Variants in TMEM41B observed in about 807,000 individuals in gnomAD.
The protein encoded by TMEM41B is transmembrane protein 41B.
In TMEM41B, 18 loss-of-function variants were observed where a neutral mutation model predicts 31.9. The observed-to-expected ratio is 0.56, with a 90% CI of 0.39 to 0.84. The LOEUF (loss-of-function observed/expected upper bound fraction) is 0.84, where lower values mean the gene tolerates loss of function less well. Ranked by LOEUF, TMEM41B falls within the 40% of genes least tolerant of loss-of-function variation. The probability of loss-of-function intolerance (pLI) is 0.00; values close to 1 mark genes in which losing one functional copy is unlikely to be tolerated. For missense variants in TMEM41B, 322 were observed against 348.0 expected, an observed-to-expected ratio of 0.93 and a Z score of 0.59; for synonymous variants, 144 against 124.3, an observed-to-expected ratio of 1.16 and a Z score of -1.05.
chr11:9,288,497 C>A lies in TMEM41B; in HGVS notation c.407G>T (p.Ser136Ile). 6.3e-7 allele frequency: 1 copy of A among 1,596,872 alleles called. No homozygotes were observed. The highest frequency in any genetic ancestry group is 8.5e-7 in the Non-Finnish European group (1 of 1,173,544). Reference protein sequence around the residue: ...TFAIPGSIFLSILSGFLYPFP... With the variant: ...TFAIPGSIFLIILSGFLYPFP... ...GGGATAAAGAAACCCTGAGAGTATACTGAGAAATATAGAGCCTGGAATAGC... is the reference window on the plus strand; with the variant it reads ...GGGATAAAGAAACCCTGAGAGTATAATGAGAAATATAGAGCCTGGAATAGC... The change falls in exon 4 of 7, where the codon AGT (serine) becomes ATT (isoleucine). Residue 136 changes from serine (S) to isoleucine (I), a missense_variant. Ser to Ile is a moderately radical substitution (Grantham distance 142, BLOSUM62 -2). This residue lies in a region of TMEM41B where 183 missense variants were observed against 175.3 expected (regional missense o/e 1.04). Coordinates refer to ENST00000528080, the MANE Select transcript of TMEM41B (RefSeq NM_015012.4).
intron 3 of TMEM41B, among the ~76,000 whole-genome samples, chr11:9,290,238 G>A (rs1041303483): frequency 2.0e-5 from 3 of 152,178 alleles, no homozygotes; most frequent in East Asian, 1.9e-4. Context: ...CTAGCCGGGC[G>A]TGGTGGTGGG....
rs1414495224 is a variant in TMEM41B, at chr11:9,282,742, G to C, written c.*682C>G. The C allele has an allele frequency of 6.6e-6, 1 of 151,912 alleles. No individual in the cohort carries two copies. The highest frequency in any genetic ancestry group is 1.5e-5 in the Non-Finnish European group (1 of 68,002). 9.4% of individuals were successfully genotyped at this position (151,912 alleles called of 1,614,324 possible). ...AGGTCAGGAGATCGAGACCATCCTG[G>C]CTAACACGGTGAAACCCCGTCTCTA... On this transcript the variant is annotated 3_prime_UTR_variant, in exon 7 of 7. Coordinates refer to ENST00000528080, the MANE Select transcript of TMEM41B (RefSeq NM_015012.4).
chr11:9,313,248 T>C (rs1439981244), intron 1 of TMEM41B, among the ~76,000 whole-genome samples: 2 of 151,442 alleles, frequency 1.3e-5, no homozygotes, highest in African/African-American at 4.9e-5. Context: ...CCAGTGTATA[T>C]AAGCTGGAAA....
intron 1 of TMEM41B, chr11:9,311,135 C>G: frequency 2.2e-6 from 2 of 909,414 alleles, no homozygotes; most frequent in Non-Finnish European, 3.1e-6. Flanking sequence ...CCTAGCCACT[C>G]AGGGCTCAAC....
intron 1 of TMEM41B, among the ~76,000 whole-genome samples, chr11:9,310,027 GTATTAT>G (rs1172213605): frequency 3.3e-5 from 5 of 150,532 alleles, no homozygotes; most frequent in East Asian, 1.9e-4. Flanking sequence ...TCCAAGTAAT[GTATTAT>G]TATTATTATT....
At chr11:9,291,002 G>A (rs998243493) in intron 3 of TMEM41B, among the ~76,000 whole-genome samples, 1 of 152,068 alleles carries the variant, frequency 6.6e-6, no homozygotes, top group Non-Finnish European at 1.5e-5. Context: ...TGTAATGCCA[G>A]GTACTCAGGA....
Position 9,314,387 on chromosome 11 carries a change from G to C in TMEM41B, c.55C>G (p.Pro19Ala). The C allele has an allele frequency of 6.4e-7, 1 of 1,574,736 alleles. No individual in the cohort carries two copies. Among genetic ancestry groups the C allele is most frequent in the Non-Finnish European group, 8.6e-7 (1 of 1,160,598 alleles). ...RSQLGAHHTT[P>A]VGDGAAGTRG... is the part of the protein sequence containing the mutation. ...GTCCCCGCTGCCCCGTCCCCCACGG[G>C]GGTCGTGTGGTGAGCGCCCAACTGC... Residue 19 changes from proline to alanine, a missense_variant, in exon 1 of 7, where the codon CCC becomes GCC. By Grantham distance (27) the Pro-to-Ala change is conservative. Around this residue, in one of 3 missense-constraint regions of TMEM41B, gnomAD observed 183 missense variants for 175.3 expected, o/e 1.04. Coordinates refer to ENST00000528080, the MANE Select transcript of TMEM41B (RefSeq NM_015012.4).
rs56313114 is a variant in TMEM41B at position 9,282,940 on chromosome 11, G to GAAAAAAAAAAAAAAA, written c.*469_*483dup. ...CAGAGCTAGACTCCGTCTCAAAACA[G>GAAAAAAAAAAAAAAA]AAAAAAAAAAAAAAAAAAAAAGAGG... On this transcript the variant is annotated 3_prime_UTR_variant, in exon 7 of 7. Coordinates refer to ENST00000528080, the MANE Select transcript of TMEM41B (RefSeq NM_015012.4). The GAAAAAAAAAAAAAAA allele has an allele frequency of 1.1e-5, 1 of 92,602 alleles. No individual in the cohort carries two copies. 5.7% of individuals were successfully genotyped at this position (92,602 alleles called of 1,614,324 possible).
At chr11:9,311,544 T>C (rs1853562258) in intron 1 of TMEM41B, 8 of 1,233,254 alleles carry the variant, frequency 6.5e-6, no homozygotes, top group Non-Finnish European at 1.1e-6. Flanking sequence ...TGAATTGCCT[T>C]GCGGAGCTCC....
At chr11:9,297,681 A>G (rs1853132507) in intron 2 of TMEM41B, among the ~76,000 whole-genome samples, 1 of 151,924 alleles carries the variant, frequency 6.6e-6, no homozygotes, top group African/African-American at 2.4e-5. Flanking sequence ...ACAGAGTGAG[A>G]CTCTGTCTCA....
At chr11:9,312,761 C>T (rs1292576868) in intron 1 of TMEM41B, among the ~76,000 whole-genome samples, 2 of 151,510 alleles carry the variant, frequency 1.3e-5, no homozygotes, top group African/African-American at 2.4e-5. Flanking sequence ...AAAATTAGCC[C>T]GGCGTGGTGG....
At position 9,283,236 on chromosome 11, in the gene TMEM41B, T is replaced by A; in HGVS notation, c.*188A>T. The A allele has an allele frequency of 1.9e-6, 1 of 527,514 alleles. No individual in the cohort carries two copies. Among genetic ancestry groups the A allele is most frequent in the Non-Finnish European group, 3.3e-6 (1 of 304,180 alleles). The allele number at this position is 527,514 out of a possible 1,614,324, so 32.7% of individuals were successfully genotyped here. A position where few individuals can be genotyped will look rare whatever the true frequency, so the allele number is the denominator to read the frequency against. On this transcript the variant is annotated 3_prime_UTR_variant, in exon 7 of 7. Transcript: ENST00000528080. ...ACTATTGATAGCACTTTTCACAGTA[T>A]ACCAATTTCCATTTTTACTTTCTTC...
At position 9,310,386 on chromosome 11, in the gene TMEM41B, T is replaced by G. The variant is rs537198897; in HGVS notation, c.121+3935A>C. Among the ~76,000 whole-genome samples the G allele has an allele frequency of 1.8e-4, 22 of 124,382 alleles. No individual in the cohort carries two copies. The East Asian group carries it at 5.8e-3, about 33-fold the overall frequency. 81.6% of individuals were successfully genotyped at this position (124,382 alleles called of 152,430 possible). On this transcript the variant is annotated intron_variant, in intron 1 of 6. Transcript: ENST00000528080. ...AAAATCTATATAACTCAAGGAAAGATTAAACAAAAAAAAACCAGCATTTAA... is the reference window on the plus strand; with the variant it reads ...AAAATCTATATAACTCAAGGAAAGAGTAAACAAAAAAAAACCAGCATTTAA...
intron 1 of TMEM41B, among the ~76,000 whole-genome samples, chr11:9,301,051 T>C (rs1488106896): frequency 3.9e-5 from 6 of 152,074 alleles, no homozygotes; most frequent in Non-Finnish European, 8.8e-5. Context: ...AATTTTTATT[T>C]TACCATTATC....
chr11:9,286,697 G>A lies in TMEM41B; in HGVS notation c.568-104C>T, dbSNP rs370994298. ...AAATTCTCATTCCTGATACTTCAGA[G>A]TATACCCAATAGAAATGATCAGGCT... On this transcript the variant is annotated intron_variant, in intron 5 of 6. Transcript: ENST00000528080. 5.8e-6 allele frequency: 7 copies of A among 1,199,238 alleles called. No homozygotes were observed. In the East Asian group the frequency reaches 1.2e-4, roughly 21 times the overall value. 74.3% of individuals were successfully genotyped at this position (1,199,238 alleles called of 1,614,324 possible).
Position 9,304,215 on chromosome 11 carries a change from T to C in TMEM41B, c.122-4514A>G, listed in dbSNP as rs980510776. On this transcript the variant is annotated intron_variant, in intron 1 of 6. Coordinates refer to ENST00000528080, the MANE Select transcript of TMEM41B (RefSeq NM_015012.4). ...GAGAATTAAAAACACACTTTAAACA[T>C]CTCAGGTAGGTCAAACATGAAAAGG... Among the ~76,000 whole-genome samples the C allele has an allele frequency of 3.3e-5, 5 of 152,264 alleles. No individual in the cohort carries two copies. In the South Asian group the frequency reaches 1.0e-3, roughly 32 times the overall value.
At chr11:9,286,991 ACT>A (rs1852851631) in intron 5 of TMEM41B, among the ~76,000 whole-genome samples, 1 of 148,140 alleles carries the variant, frequency 6.8e-6, no homozygotes, top group African/African-American at 2.5e-5. Context: ...CAAGAGCGAA[ACT>A]CTGACTCAAA....
At chr11:9,307,987 C>T (rs549010895) in intron 1 of TMEM41B, among the ~76,000 whole-genome samples, 15 of 151,752 alleles carry the variant, frequency 9.9e-5, no homozygotes, top group Non-Finnish European at 5.9e-5. Flanking sequence ...CCGCCCACCT[C>T]GGCCTCCCAA....
At position 9,298,790 on chromosome 11, in the gene TMEM41B, A is replaced by T. The variant is rs61875676; in HGVS notation, c.239+794T>A. 1.9e-3 allele frequency among the ~76,000 whole-genome samples: 288 copies of T among 147,850 alleles called. 1 individual carries two copies. Among genetic ancestry groups the T allele is most frequent in the African/African-American group, 7.0e-3 (279 of 39,944 alleles). Reference sequence around the variant, plus strand: ...CTCAAATGAAGAAAAAAAAAAAAAAATTGTGAAGGAAGGCAATTTGGAGAA... The same window carrying T: ...CTCAAATGAAGAAAAAAAAAAAAAATTTGTGAAGGAAGGCAATTTGGAGAA... On this transcript the variant is annotated intron_variant, in intron 2 of 6. Coordinates refer to ENST00000528080, the MANE Select transcript of TMEM41B (RefSeq NM_015012.4).
Sources: gnomAD v4.1 joint callset for allele counts (sites outside exome capture counted in the v4.1 genomes callset) on GRCh38, gnomAD v4.1.1 for gene constraint, gnomAD v4.1.1 regional missense constraint, MANE v1.5 for transcripts, NCBI Gene and HGNC (gene_info 2026-07-23, HGNC 2026-07-21) for gene names.